ESR1: variants seen among roughly 807,000 people sequenced by gnomAD.
The protein encoded by ESR1 is estrogen receptor 1.
ESR1 carries 12 observed loss-of-function variants against 52.7 expected under a neutral mutation model. The ratio of observed to expected loss-of-function variants is 0.23; its 90% CI spans 0.15 to 0.37. The LOEUF is 0.37. Ranked by LOEUF, ESR1 falls within the 10% of genes least tolerant of loss-of-function variation. The pLI, the probability that ESR1 is intolerant of heterozygous loss-of-function variation, is 1.00. For missense variants in ESR1, 584 were observed against 779.7 expected (o/e 0.75, Z 2.99); for synonymous variants, 305 against 316.8 (o/e 0.96, Z 0.39).
intron 4 of ESR1, among the ~76,000 whole-genome samples, chr6:152,002,577 G>T (rs746806533): frequency 3.3e-5 from 5 of 152,006 alleles, no homozygotes; most frequent in Non-Finnish European, 5.9e-5. Context: ...CACAGTAGCT[G>T]TCCTTCCTGT....
Position 152,094,457 on chromosome 6 carries a change from A to G in ESR1, c.1442A>G (p.Lys481Arg). The change falls in exon 7 of 8, where the codon AAG (lysine) becomes AGG (arginine). Residue 481 changes from lysine (K) to arginine (R), a missense_variant. Physicochemically the swap from Lys to Arg is conservative, Grantham distance 26. Coordinates refer to ENST00000206249, the MANE Select transcript of ESR1 (RefSeq NM_000125.4). This position sits in a 1 kb window ranked among gnomAD's most constrained non-coding sequence, Gnocchi z 4.6. ...GACCATATCCACCGAGTCCTGGACA[A>G]GATCACAGACACTTTGATCCACCTG... ...EKDHIHRVLD[K>R]ITDTLIHLMA... The G allele has an allele frequency of 1.2e-6, 2 of 1,614,038 alleles. No homozygotes were observed. The highest frequency in any genetic ancestry group is 1.7e-6 in the Non-Finnish European group (2 of 1,179,956).
At position 151,986,230 on chromosome 6, in the gene ESR1, A is replaced by G. The variant is rs186992524; in HGVS notation, c.1097-25426A>G. On this transcript the variant is annotated intron_variant, in intron 4 of 7. Transcript: ENST00000206249. ...AAGCACTGGTTTTGATACAAAATTT[A>G]AGAAAAATCAAATTCAAGAGGTAAT... Among the ~76,000 whole-genome samples the G allele has an allele frequency of 1.2e-3, 177 of 152,244 alleles. 2 individuals carry two copies. The highest frequency in any genetic ancestry group is 9.3e-4 in the Non-Finnish European group (63 of 68,028).
intron 1 of ESR1, among the ~76,000 whole-genome samples, chr6:151,821,228 A>G (rs1401778954): frequency 1.3e-5 from 2 of 151,996 alleles, no homozygotes; most frequent in South Asian, 2.1e-4. Context: ...ACTCATTGCT[A>G]CTGTTCCAGC....
chr6:151,914,918 G>A (rs1798817876), intron 3 of ESR1, among the ~76,000 whole-genome samples: 1 of 152,160 alleles, frequency 6.6e-6, no homozygotes, highest in African/African-American at 2.4e-5. Context: ...TTTGATAAAT[G>A]TACTACATGA....
At chr6:151,763,897 T>C (rs895257350) in intron 2 of ESR1, among the ~76,000 whole-genome samples, 2 of 151,472 alleles carry the variant, frequency 1.3e-5, no homozygotes, top group Non-Finnish European at 2.9e-5. Flanking sequence ...GCCAGAGGAG[T>C]GACGGAAGGC....
chr6:151,905,645 G>T (rs535453274), intron 3 of ESR1, among the ~76,000 whole-genome samples: 2 of 152,178 alleles, frequency 1.3e-5, no homozygotes, highest in East Asian at 3.9e-4. Flanking sequence ...ATTAAAAAAA[G>T]GAACTTTTGG....
In ESR1 at chr6:151,818,806, T is replaced by TACACAC. The variant is rs5880941; in HGVS notation, c.452+10443_452+10444insCACACA. On this transcript the variant is annotated intron_variant, in intron 1 of 7. Transcript: ENST00000206249. ...TACCTAAAGTGTGTATATACACATA[T>TACACAC]ATACACACACACACACACATATATA... Among the ~76,000 whole-genome samples, 574 of 149,272 alleles carry TACACAC rather than the reference T, an allele frequency of 3.8e-3. 6 individuals carry two copies. The highest frequency in any genetic ancestry group is 0.013 in the African/African-American group (527 of 40,252).
chr6:151,962,024 T>G (rs770731378), intron 4 of ESR1, among the ~76,000 whole-genome samples: 2 of 151,946 alleles, frequency 1.3e-5, no homozygotes, highest in Non-Finnish European at 2.9e-5. Flanking sequence ...GATGAATGAC[T>G]GTGGAAAACA....
intron 2 of ESR1, among the ~76,000 whole-genome samples, chr6:151,723,826 T>C (rs1208836207): frequency 6.6e-6 from 1 of 152,024 alleles, no homozygotes; most frequent in Non-Finnish European, 1.5e-5. Flanking sequence ...GCCGAGATCA[T>C]GCCACTGCAC....
intron 6 of ESR1, among the ~76,000 whole-genome samples, chr6:152,122,889 A>T (rs976984317): frequency 1.3e-5 from 2 of 152,226 alleles, no homozygotes; most frequent in Non-Finnish European, 2.9e-5. Context: ...ACATTTAGTC[A>T]GTCAACTAAA....
chr6:151,870,405 C>G (rs1247094171), intron 2 of ESR1, among the ~76,000 whole-genome samples: 1 of 152,074 alleles, frequency 6.6e-6, no homozygotes, highest in African/African-American at 2.4e-5. Context: ...GTAATTCCAT[C>G]AGGGAATAAT....
intron 4 of ESR1, among the ~76,000 whole-genome samples, chr6:151,969,029 G>A (rs534031755): frequency 3.4e-4 from 51 of 152,170 alleles, no homozygotes; most frequent in African/African-American, 1.1e-3. Context: ...TGAGTGGAGG[G>A]CAGGAGTATT....
chr6:151,963,025 A>T (rs933117318), intron 4 of ESR1, among the ~76,000 whole-genome samples: 1 of 152,016 alleles, frequency 6.6e-6, no homozygotes. Context: ...AGGTTTTTTA[A>T]AAAACACTTT....
At chr6:151,776,407 A>G (rs1188916930) in intron 2 of ESR1, among the ~76,000 whole-genome samples, 1 of 152,234 alleles carries the variant, frequency 6.6e-6, no homozygotes, top group Non-Finnish European at 1.5e-5. Flanking sequence ...GTGTGAGAAG[A>G]AAAGGACTGA....
chr6:151,938,988 G>A (rs1367151520), intron 3 of ESR1, among the ~76,000 whole-genome samples: 2 of 152,154 alleles, frequency 1.3e-5, no homozygotes, highest in Non-Finnish European at 2.9e-5. Flanking sequence ...GTGGTTCAAA[G>A]AAATTTGCTT....
At chr6:151,725,085 A>G (rs1198765418) in intron 2 of ESR1, among the ~76,000 whole-genome samples, 1 of 152,166 alleles carries the variant, frequency 6.6e-6, no homozygotes, top group Non-Finnish European at 1.5e-5. Context: ...AAGATCTTTC[A>G]TTTTGTGTGT....
chr6:151,842,678 T>G lies in ESR1; in HGVS notation c.534T>G (p.Ser178=), dbSNP rs1784488341. The change falls in exon 2 of 8, where the codon TCT becomes TCG. Residue 178 remains serine (S), a synonymous_variant. Transcript: ENST00000206249. ...ACAAGGGAAGTATGGCTATGGAATC[T>G]GCCAAGGAGACTCGCTACTGTGCAG... ...TNDKGSMAME[S]AKETRYCAVC... is the part of the protein sequence containing the mutation. 3 of 1,613,842 alleles carry G rather than the reference T, an allele frequency of 1.9e-6. No homozygotes were observed. The highest frequency in any genetic ancestry group is 2.5e-6 in the Non-Finnish European group (3 of 1,179,922).
intron 2 of ESR1, among the ~76,000 whole-genome samples, chr6:151,712,467 C>A (rs990016230): frequency 2.0e-5 from 3 of 152,142 alleles, no homozygotes; most frequent in Non-Finnish European, 4.4e-5. Flanking sequence ...TTCTTCCTAT[C>A]CAAGAGCATC....
chr6:152,065,437 C>T (rs2047891246), intron 6 of ESR1, among the ~76,000 whole-genome samples: 1 of 152,162 alleles, frequency 6.6e-6, no homozygotes, highest in Admixed American at 6.6e-5. Flanking sequence ...TTCCTCAAGG[C>T]TCAGAAAAAT....
Sources: gnomAD v4.1 joint callset for allele counts (sites outside exome capture counted in the v4.1 genomes callset) on GRCh38, gnomAD v4.1.1 for gene constraint, Gnocchi (gnomAD v3.1) non-coding constraint, MANE v1.5 for transcripts, NCBI Gene and HGNC (gene_info 2026-07-23, HGNC 2026-07-21) for gene names.